The following MAN1C1 variants were observed in gnomAD, a reference collection of about 807,000 sequenced individuals.
MAN1C1 encodes mannosyl-oligosaccharide 1,2-alpha-mannosidase IC.
Under a neutral mutation model 71.5 loss-of-function variants are expected in MAN1C1, and 49 were observed. The ratio of observed to expected loss-of-function variants is 0.69; its 90% confidence interval spans 0.54 to 0.87. The LOEUF is 0.87. MAN1C1 is among the 40% of genes least tolerant of loss of function. The pLI, the probability that MAN1C1 is intolerant of heterozygous loss-of-function variation, is 0.00. For synonymous variants in MAN1C1, 352 were observed against 343.7 expected (o/e 1.02, Z -0.27); for missense variants, 743 against 835.0 (o/e 0.89, Z 1.36).
At chr1:25,652,439 C>T (rs2045706404) in intron 1 of MAN1C1, among the ~76,000 whole-genome samples, 1 of 152,236 alleles carries the variant, frequency 6.6e-6, no homozygotes, top group South Asian at 2.1e-4. Context: ...AAGTTCTGTT[C>T]CAGCTGGCAC....
In MAN1C1 at chr1:25,775,749, T is replaced by G. The variant is rs1441872535; in HGVS notation, c.1258-2356T>G. Among the ~76,000 whole-genome samples the G allele has an allele frequency of 6.6e-6, 1 of 152,208 alleles. No individual in the cohort carries two copies. Among genetic ancestry groups the G allele is most frequent in the Non-Finnish European group, 1.5e-5 (1 of 68,038 alleles). Reference sequence around the variant, plus strand: ...TGCAGGAAGGAGGCGCAGCACCAGCTAAGCCCCGAAGCAGGAAGAAAAATG... The same window carrying G: ...TGCAGGAAGGAGGCGCAGCACCAGCGAAGCCCCGAAGCAGGAAGAAAAATG... On this transcript the variant is annotated intron_variant, in intron 8 of 11. Transcript: ENST00000374332. The surrounding 1 kb of genome is among the most constrained non-coding windows in gnomAD (Gnocchi z 5.1).
chr1:25,782,399 C>G lies in MAN1C1; in HGVS notation c.1651-186C>G, dbSNP rs1199530217. The stretch of plus-strand genomic sequence containing the variant: ...GAGTGTGGCCCCTCCAGCCTGGGGA[C>G]AGGTGGCTAAACCCCGAAAGAATAA... On this transcript the variant is annotated intron_variant, in intron 10 of 11. Coordinates refer to ENST00000374332, the MANE Select transcript of MAN1C1 (RefSeq NM_020379.4). The surrounding 1 kb of genome is among the most constrained non-coding windows in gnomAD (Gnocchi z 4.4). Among the ~76,000 whole-genome samples the G allele has an allele frequency of 6.6e-6, 1 of 152,134 alleles. No individual in the cohort carries two copies. Among genetic ancestry groups the G allele is most frequent in the Non-Finnish European group, 1.5e-5 (1 of 68,038 alleles).
At chr1:25,763,713 C>A in intron 6 of MAN1C1, 161 bp from the exon 7 acceptor site, 1 of 632,184 alleles carries the variant, frequency 1.6e-6, no homozygotes, top group South Asian at 1.8e-5. Flanking sequence ...CGTCACCATC[C>A]CCGGGTTGGA....
chr1:25,745,206 TC>T (rs2047112052), intron 2 of MAN1C1, among the ~76,000 whole-genome samples: 1 of 152,226 alleles, frequency 6.6e-6, no homozygotes, highest in Admixed American at 6.5e-5. Context: ...CAGCCTTTAC[TC>T]CCAGGACAGG....
intron 2 of MAN1C1, among the ~76,000 whole-genome samples, chr1:25,716,573 C>T (rs1003217870): frequency 6.6e-6 from 1 of 152,190 alleles, no homozygotes; most frequent in African/African-American, 2.4e-5. Flanking sequence ...GCAATCCGCC[C>T]ACCTTGGCCT....
intron 1 of MAN1C1, among the ~76,000 whole-genome samples, chr1:25,628,166 A>G (rs1487484541): frequency 1.3e-5 from 2 of 152,094 alleles, no homozygotes; most frequent in Non-Finnish European, 2.9e-5. Flanking sequence ...GATTTTCTTT[A>G]ATTTCTCTCA....
At position 25,617,360 on chromosome 1, in the gene MAN1C1, A is replaced by C. The variant is rs1464726440; in HGVS notation, c.-438A>C. The C allele has an allele frequency of 1.3e-5, 2 of 151,472 alleles. No individual in the cohort carries two copies. The highest frequency in any genetic ancestry group is 2.9e-5 in the Non-Finnish European group (2 of 67,950). The allele number at this position is 151,472 out of a possible 1,614,324, so 9.4% of individuals were successfully genotyped here. On this transcript the variant is annotated 5_prime_UTR_variant, in exon 1 of 12. Transcript: ENST00000374332. The surrounding 1 kb of genome is among the most constrained non-coding windows in gnomAD (Gnocchi z 5.1). Reference sequence around the variant, plus strand: ...TTGGGCGCCTACCAGCGCGGGCGGGAGCCTAGGGGGCGGAGGGCGGCTTGG... The same window carrying C: ...TTGGGCGCCTACCAGCGCGGGCGGGCGCCTAGGGGGCGGAGGGCGGCTTGG...
rs748728901 is a variant in MAN1C1 at position 25,782,039 on chromosome 1, C to T, written c.1651-546C>T. Among the ~76,000 whole-genome samples, 1 of 152,096 alleles carries T rather than the reference C, an allele frequency of 6.6e-6. No individual in the cohort carries two copies. The highest frequency in any genetic ancestry group is 1.5e-5 in the Non-Finnish European group (1 of 68,020). On this transcript the variant is annotated intron_variant, in intron 10 of 11. Transcript: ENST00000374332. This position sits in a 1 kb window ranked among gnomAD's most constrained non-coding sequence, Gnocchi z 4.4. The stretch of plus-strand genomic sequence containing the variant: ...TTGAAGCTGCAGAGTGAGCTCTGAT[C>T]GCCCCACTGCCCTCCAGCCTGGGCG...
At chr1:25,629,023 C>G (rs2045340780) in intron 1 of MAN1C1, among the ~76,000 whole-genome samples, 1 of 152,172 alleles carries the variant, frequency 6.6e-6, no homozygotes, top group African/African-American at 2.4e-5. Flanking sequence ...GGTCCCATAT[C>G]TTTGCAATTG....
At chr1:25,674,440 G>A (rs928859647) in intron 1 of MAN1C1, among the ~76,000 whole-genome samples, 1 of 152,192 alleles carries the variant, frequency 6.6e-6, no homozygotes, top group South Asian at 2.1e-4. Context: ...ACAGAGCCTC[G>A]TGGAGCCTGC....
Position 25,778,279 on chromosome 1 carries a change from G to A in MAN1C1, c.1432G>A (p.Ala478Thr), listed in dbSNP as rs140655394. The change falls in exon 9 of 12, where the codon GCA (alanine) becomes ACA (threonine). Residue 478 changes from alanine (A) to threonine (T), a missense_variant. Coordinates refer to ENST00000374332, the MANE Select transcript of MAN1C1 (RefSeq NM_020379.4). This position sits in a 1 kb window ranked among gnomAD's most constrained non-coding sequence, Gnocchi z 5.5. ...EEKRAHYREL[A>T]AQITKTCHES... ...AAAGAGGGCCCACTACCGAGAGCTC[G>A]CAGCCCAGATCACCAAGACGTGTCA... 3.1e-6 allele frequency: 5 copies of A among 1,613,884 alleles called. No individual in the cohort carries two copies. Among genetic ancestry groups the A allele is most frequent in the Non-Finnish European group, 3.4e-6 (4 of 1,179,892 alleles).
intron 4 of MAN1C1, among the ~76,000 whole-genome samples, chr1:25,752,462 T>C (rs558112941): frequency 6.6e-6 from 1 of 152,352 alleles, no homozygotes; most frequent in Middle Eastern, 3.4e-3. Context: ...CCACCGTGCC[T>C]GGCCCACAGC....
chr1:25,762,718 A>G (rs2047377541), intron 6 of MAN1C1, among the ~76,000 whole-genome samples: 1 of 151,980 alleles, frequency 6.6e-6, no homozygotes, highest in African/African-American at 2.4e-5. Context: ...GTGAGCCACC[A>G]TGCCTGGCTA....
intron 1 of MAN1C1, among the ~76,000 whole-genome samples, chr1:25,676,280 G>A (rs1210959252): frequency 6.6e-6 from 1 of 152,100 alleles, no homozygotes; most frequent in East Asian, 1.9e-4. Context: ...CCTTTCAATA[G>A]CTTGAGTAAA....
chr1:25,677,781 C>T (rs2046090041), intron 1 of MAN1C1, among the ~76,000 whole-genome samples: 1 of 148,488 alleles, frequency 6.7e-6, no homozygotes, highest in Non-Finnish European at 1.5e-5. Flanking sequence ...TGGATCTGTG[C>T]TTCTGTTTGA....
chr1:25,642,378 C>T (rs2045550189), intron 1 of MAN1C1, among the ~76,000 whole-genome samples: 1 of 152,206 alleles, frequency 6.6e-6, no homozygotes, highest in Admixed American at 6.5e-5. Context: ...GACTCTGCAG[C>T]CGTGCTCTGC....
chr1:25,678,176 G>A (rs1224492371), intron 1 of MAN1C1, among the ~76,000 whole-genome samples: 1 of 152,062 alleles, frequency 6.6e-6, no homozygotes, highest in Non-Finnish European at 1.5e-5. Flanking sequence ...TTCATACTAT[G>A]TAATTTTGTG....
At chr1:25,774,258 T>C (rs1384496103) in intron 8 of MAN1C1, among the ~76,000 whole-genome samples, 1 of 152,190 alleles carries the variant, frequency 6.6e-6, no homozygotes, top group Admixed American at 6.5e-5. Context: ...GGCACACCCC[T>C]GAGTGTCACG....
chr1:25,658,482 GCT>G (rs2045800553), intron 1 of MAN1C1, among the ~76,000 whole-genome samples: 1 of 152,010 alleles, frequency 6.6e-6, no homozygotes, highest in Admixed American at 6.6e-5. Flanking sequence ...ACGCGGTCTG[GCT>G]CTCTCGCCTA....
Sources: allele counts gnomAD v4.1 joint callset (sites outside exome capture counted in the v4.1 genomes callset), GRCh38; gene constraint gnomAD v4.1.1; non-coding constraint Gnocchi (gnomAD v3.1); transcripts MANE v1.5; gene names NCBI Gene and HGNC (gene_info 2026-07-23, HGNC 2026-07-21).